SOS2: variants seen among roughly 807,000 people sequenced by gnomAD.
SOS2 encodes SOS Ras/Rho guanine nucleotide exchange factor 2.
In SOS2, 65 loss-of-function variants were observed where a neutral mutation model predicts 148.2. That is an observed-to-expected ratio of 0.44 (90% CI 0.36 to 0.54). The LOEUF (loss-of-function observed/expected upper bound fraction) is 0.54, where lower values mean the gene tolerates loss of function less well. Ranked by LOEUF, SOS2 falls within the 20% of genes least tolerant of loss-of-function variation. SOS2 has a pLI of 0.00. For missense variants in SOS2, 1,341 were observed against 1,590.2 expected (o/e 0.84, Z 2.67); for synonymous variants, 539 against 537.1 (o/e 1.00, Z -0.05).
chr14:50,202,570 C>A (rs117530659), intron 2 of SOS2, among the ~76,000 whole-genome samples: 2,054 of 151,980 alleles, frequency 0.014, 19 homozygotes, highest in Non-Finnish European at 0.02. Flanking sequence ...CCTGTCTCTA[C>A]AAAAAAATTT....
At chr14:50,120,515 A>G in intron 21 of SOS2, 131 bp from the exon 22 acceptor site, 1 of 604,196 alleles carries the variant, frequency 1.7e-6, no homozygotes, top group African/African-American at 1.9e-5. Flanking sequence ...ATCTTCCCCC[A>G]TTAAATTGTA....
chr14:50,200,948 G>A lies in SOS2; in HGVS notation c.345+5C>T, dbSNP rs1886467123. The A allele has an allele frequency of 6.2e-7, 1 of 1,613,034 alleles. No individual in the cohort carries two copies. Among genetic ancestry groups the A allele is most frequent in the African/African-American group, 1.3e-5 (1 of 74,846 alleles). On this transcript the variant is annotated splice_donor_5th_base_variant and intron_variant, in intron 3 of 22. Coordinates refer to ENST00000216373, the MANE Select transcript of SOS2 (RefSeq NM_006939.4). Reference sequence around the variant, plus strand: ...CCCCCCAACTAATGTTTAATCTTTTGTTACCTTCAACGAAGGATGGATTTT... The same window carrying A: ...CCCCCCAACTAATGTTTAATCTTTTATTACCTTCAACGAAGGATGGATTTT...
intron 14 of SOS2, among the ~76,000 whole-genome samples, chr14:50,146,062 G>A (rs28411270): frequency 0.3 from 45,256 of 149,130 alleles, 7,028 homozygotes; most frequent in Admixed American, 0.41. Flanking sequence ...GAACCCGGGA[G>A]ATGGAGGTTG....
In SOS2 at chr14:50,139,973, C is replaced by G; in HGVS notation, c.2754G>C (p.Lys918Asn). 6.3e-7 allele frequency: 1 copy of G among 1,597,462 alleles called. No individual in the cohort carries two copies. The highest frequency in any genetic ancestry group is 8.6e-7 in the Non-Finnish European group (1 of 1,166,236). Residue 918 changes from lysine to asparagine, a missense_variant, in exon 17 of 23, where the codon AAG (lysine) becomes AAC (asparagine). By Grantham distance (94) the Lys-to-Asn change is moderately conservative (BLOSUM62 0). Around this residue, in one of 4 missense-constraint regions of SOS2, gnomAD observed 408 missense variants for 506.6 expected, o/e 0.81. Transcript: ENST00000216373. ...DHFKKYLVKL[K>N]SINPPCVPFF... ...AAGGCACACAAGGTGGATTGATTGA[C>G]TTAAGTTTTACTAGGTATTTTTTAA...
At chr14:50,136,243 T>C (rs1035269425) in intron 18 of SOS2, among the ~76,000 whole-genome samples, 8 of 152,208 alleles carry the variant, frequency 5.3e-5, no homozygotes, top group Admixed American at 5.2e-4. Context: ...TTAAATACTA[T>C]TTATTTAAGT....
intron 18 of SOS2, among the ~76,000 whole-genome samples, chr14:50,136,213 T>C (rs978007233): frequency 1.3e-5 from 2 of 152,240 alleles, no homozygotes; most frequent in Non-Finnish European, 2.9e-5. Flanking sequence ...ATTCTTGATT[T>C]CCTCATCCTT....
chr14:50,216,162 T>G (rs1887035374), intron 1 of SOS2, among the ~76,000 whole-genome samples: 1 of 151,382 alleles, frequency 6.6e-6, no homozygotes, highest in African/African-American at 2.4e-5. Flanking sequence ...GTGGCAGCAA[T>G]CTTGGCTCAC....
chr14:50,176,735 C>T (rs1049073239), intron 7 of SOS2, among the ~76,000 whole-genome samples: 1 of 152,208 alleles, frequency 6.6e-6, no homozygotes, highest in East Asian at 1.9e-4. Context: ...TGGGGCTGGG[C>T]GTGATGGCTC....
At chr14:50,203,761 T>C (rs1886575351) in intron 2 of SOS2, among the ~76,000 whole-genome samples, 1 of 151,842 alleles carries the variant, frequency 6.6e-6, no homozygotes. Flanking sequence ...TATGTCTGTG[T>C]AACCATCATC....
intron 6 of SOS2, among the ~76,000 whole-genome samples, chr14:50,181,406 C>A (rs1410193315): frequency 6.6e-6 from 1 of 150,890 alleles, no homozygotes; most frequent in Non-Finnish European, 1.5e-5. Context: ...CGAGATCGTG[C>A]CATTGCACTC....
chr14:50,124,044 G>C (rs996959594), intron 21 of SOS2, among the ~76,000 whole-genome samples: 11 of 151,990 alleles, frequency 7.2e-5, no homozygotes, highest in Admixed American at 7.2e-4. Flanking sequence ...ACTTTGGAGG[G>C]GATAATAAGA....
intron 8 of SOS2, among the ~76,000 whole-genome samples, chr14:50,168,526 T>C (rs573636046): frequency 1.3e-5 from 2 of 152,350 alleles, no homozygotes; most frequent in South Asian, 4.1e-4. Context: ...CTCGCCTATA[T>C]ACCTTCTTAG....
Position 50,199,694 on chromosome 14 carries a change from A to T in SOS2, c.507T>A (p.Asp169Glu). ...TTAAATACCTTGTAACACTTACCTT[A>T]TCCGCACACATTGACACTTTAATGT... ...QQDIKVSMCA[D>E]KVLMDMFDQD... The change falls in exon 4 of 23, where the codon GAT becomes GAA. Residue 169 changes from aspartate to glutamate, a missense_variant. Transcript: ENST00000216373. 6.3e-7 allele frequency: 1 copy of T among 1,594,610 alleles called. No homozygotes were observed. Among genetic ancestry groups the T allele is most frequent in the Non-Finnish European group, 8.6e-7 (1 of 1,168,626 alleles).
At chr14:50,146,673 A>G (rs1566826339) in intron 14 of SOS2, among the ~76,000 whole-genome samples, 1 of 152,076 alleles carries the variant, frequency 6.6e-6, no homozygotes, top group African/African-American at 2.4e-5. Context: ...AAACAAAGTT[A>G]TAAGAAAACG....
At chr14:50,140,904 G>T (rs972348739) in intron 16 of SOS2, among the ~76,000 whole-genome samples, 7 of 151,902 alleles carry the variant, frequency 4.6e-5, no homozygotes, top group African/African-American at 1.7e-4. Context: ...AAGAAATCAG[G>T]ATTTAAAAAA....
chr14:50,194,453 ATTTTTTT>A (rs58933204), intron 4 of SOS2, among the ~76,000 whole-genome samples: 12 of 98,726 alleles, frequency 1.2e-4, no homozygotes, highest in South Asian at 7.4e-4. Flanking sequence ...ATCCCTTTCA[ATTTTTTT>A]TTTTTTTTTT....
At chr14:50,200,133 T>C (rs1357967568) in intron 3 of SOS2, among the ~76,000 whole-genome samples, 1 of 152,182 alleles carries the variant, frequency 6.6e-6, no homozygotes, top group Admixed American at 6.5e-5. Context: ...TAAAAGCCTC[T>C]TAATACATTA....
chr14:50,152,478 G>T (rs1283679155), intron 13 of SOS2, among the ~76,000 whole-genome samples: 1 of 152,128 alleles, frequency 6.6e-6, no homozygotes, highest in Non-Finnish European at 1.5e-5. Context: ...TGGCAACCTT[G>T]CAATGAGATA....
intron 1 of SOS2, among the ~76,000 whole-genome samples, chr14:50,214,815 G>A (rs1373525782): frequency 6.7e-6 from 1 of 149,482 alleles, no homozygotes; most frequent in African/African-American, 2.5e-5. Context: ...CCCCCTCCCT[G>A]AGGCAAGGTT....
Sources: allele counts gnomAD v4.1 joint callset (sites outside exome capture counted in the v4.1 genomes callset), GRCh38; gene constraint gnomAD v4.1.1; regional missense constraint gnomAD v4.1.1; transcripts MANE v1.5; gene names NCBI Gene and HGNC (gene_info 2026-07-23, HGNC 2026-07-21).